PRR16: variants seen among roughly 807,000 people sequenced by gnomAD.
The protein encoded by PRR16 is proline rich 16, also known as protein Largen.
A neutral mutation model predicts 18.2 loss-of-function variants in PRR16; 6 were observed. The ratio of observed to expected loss-of-function variants is 0.33; its 90% CI spans 0.18 to 0.65. The LOEUF is 0.65. PRR16 is among the 30% of genes least tolerant of loss of function. The pLI is 0.74. For synonymous variants in PRR16, 151 were observed against 147.8 expected, an observed-to-expected ratio of 1.02 and a Z score of -0.16; for missense variants, 412 against 376.6, an observed-to-expected ratio of 1.09 and a Z score of -0.78.
chr5:120,749,829 G>A, the PRR16 span, among the ~76,000 whole-genome samples: 2 of 152,028 alleles, frequency 1.3e-5, no homozygotes, highest in Non-Finnish European at 2.9e-5. Flanking sequence ...GAAATGAATG[G>A]TACAAAAGAA....
intron 1 of PRR16, among the ~76,000 whole-genome samples, chr5:120,670,302 C>A (rs1255846308): frequency 6.6e-6 from 1 of 152,022 alleles, no homozygotes; most frequent in Admixed American, 6.6e-5. Flanking sequence ...CCACTAAATT[C>A]TCTGTTTTCA....
downstream of PRR16, among the ~76,000 whole-genome samples, chr5:120,689,466 T>C (rs1196996377): frequency 6.6e-6 from 1 of 152,184 alleles, no homozygotes; most frequent in East Asian, 1.9e-4. Context: ...TAAATCATCA[T>C]AAAATATAGT....
At chr5:120,471,023 C>T (rs1246413979) in intron 1 of PRR16, among the ~76,000 whole-genome samples, 2 of 152,076 alleles carry the variant, frequency 1.3e-5, no homozygotes, top group South Asian at 2.1e-4. Flanking sequence ...GCAGCAGCAG[C>T]GTATGTATGG....
At chr5:120,758,485 T>C in the PRR16 span, among the ~76,000 whole-genome samples, 18 of 152,152 alleles carry the variant, frequency 1.2e-4, no homozygotes, top group Non-Finnish European at 2.4e-4. Flanking sequence ...TGGTTTCGCT[T>C]TGTGTCCCCA....
At chr5:120,734,848 G>A in the PRR16 span, among the ~76,000 whole-genome samples, 1 of 152,134 alleles carries the variant, frequency 6.6e-6, no homozygotes. Flanking sequence ...AGAATACTTT[G>A]TTGGACATAA....
chr5:120,555,036 C>G (rs1401461062), intron 1 of PRR16, among the ~76,000 whole-genome samples: 2 of 151,754 alleles, frequency 1.3e-5, no homozygotes, highest in African/African-American at 4.8e-5. Context: ...TTTATATTGC[C>G]AATTTGAGAG....
the PRR16 span, among the ~76,000 whole-genome samples, chr5:120,751,047 T>G: frequency 4.2e-4 from 64 of 152,274 alleles, no homozygotes; most frequent in Non-Finnish European, 8.1e-4. Flanking sequence ...TATTTGTCTT[T>G]CTGTGACTTG....
chr5:120,489,749 G>C (rs1221271278), intron 1 of PRR16, among the ~76,000 whole-genome samples: 2 of 152,208 alleles, frequency 1.3e-5, no homozygotes, highest in East Asian at 1.9e-4. Context: ...TCCTAGCCTC[G>C]ATGGTCTTTA....
At chr5:120,502,560 G>A (rs1293171469) in intron 1 of PRR16, among the ~76,000 whole-genome samples, 1 of 152,042 alleles carries the variant, frequency 6.6e-6, no homozygotes, top group African/African-American at 2.4e-5. Flanking sequence ...AAGGATAACC[G>A]ATACAGGAAG....
At chr5:120,757,912 G>A in the PRR16 span, among the ~76,000 whole-genome samples, 1 of 152,010 alleles carries the variant, frequency 6.6e-6, no homozygotes, top group Non-Finnish European at 1.5e-5. Context: ...TTTGACAAAT[G>A]CATTGGAGTA....
At chr5:120,488,861 C>A (rs866512153) in intron 1 of PRR16, among the ~76,000 whole-genome samples, 1 of 152,050 alleles carries the variant, frequency 6.6e-6, no homozygotes, top group Non-Finnish European at 1.5e-5. Flanking sequence ...TCTTTGTTCT[C>A]GTTGGTTTCA....
At chr5:120,688,227 A>C (rs924349859), downstream of PRR16, among the ~76,000 whole-genome samples, 3 of 152,224 alleles carry the variant, frequency 2.0e-5, no homozygotes, top group African/African-American at 7.2e-5. Flanking sequence ...TTTAGATGGA[A>C]TACAAAAAGA....
rs374324391 is a variant in PRR16, at chr5:120,685,018, G to T, written c.160-936G>T. 5.3e-5 allele frequency among the ~76,000 whole-genome samples: 8 copies of T among 152,114 alleles called. No homozygotes were observed. The East Asian group carries it at 1.3e-3, about 26-fold the overall frequency. ...AACATCTGCTTTGTATTAGTTTAGG[G>T]TCCTGGGCCCAGATAATTTTCTTTC... On this transcript the variant is annotated intron_variant, in intron 1 of 1. Coordinates refer to ENST00000407149, the MANE Select transcript of PRR16 (RefSeq NM_001300783.2).
chr5:120,721,636 C>T, the PRR16 span, among the ~76,000 whole-genome samples: 50 of 151,892 alleles, frequency 3.3e-4, no homozygotes, highest in African/African-American at 1.1e-3. Context: ...GGAAGGAAGC[C>T]ATGTTATATG....
intron 1 of PRR16, among the ~76,000 whole-genome samples, chr5:120,679,831 C>G (rs1312560104): frequency 6.6e-6 from 1 of 152,014 alleles, no homozygotes; most frequent in Non-Finnish European, 1.5e-5. Flanking sequence ...CAGTGGTTAC[C>G]ATGGTCTGAG....
At chr5:120,638,110 A>C (rs1755300655) in intron 1 of PRR16, among the ~76,000 whole-genome samples, 2 of 152,128 alleles carry the variant, frequency 1.3e-5, no homozygotes, top group South Asian at 4.2e-4. Context: ...AGGTAATGCT[A>C]TACAACATTT....
chr5:120,495,351 A>G (rs1434114467), intron 1 of PRR16, among the ~76,000 whole-genome samples: 1 of 152,042 alleles, frequency 6.6e-6, no homozygotes, highest in African/African-American at 2.4e-5. Flanking sequence ...TCCATGGAGC[A>G]TTGGTTCCAC....
chr5:120,754,177 A>G, the PRR16 span, among the ~76,000 whole-genome samples: 90 of 19,926 alleles, frequency 4.5e-3, 1 homozygote, highest in Non-Finnish European at 7.0e-3. Context: ...ATATAAATAT[A>G]AATATATAAT....
At position 120,639,863 on chromosome 5, in the gene PRR16, A is replaced by G. The variant is rs1011752728; in HGVS notation, c.160-46091A>G. Among the ~76,000 whole-genome samples the G allele has an allele frequency of 3.3e-5, 5 of 152,118 alleles. No individual in the cohort carries two copies. In the South Asian group the frequency reaches 1.0e-3, roughly 32 times the overall value. On this transcript the variant is annotated intron_variant, in intron 1 of 1. Transcript: ENST00000407149. ...TTGCATGTTTAACACAGCATTGTTC[A>G]TAATAGCAAAGACATGGAATCAACC...
Sources: allele counts gnomAD v4.1 joint callset (sites outside exome capture counted in the v4.1 genomes callset), GRCh38; gene constraint gnomAD v4.1.1; transcripts MANE v1.5; gene names NCBI Gene and HGNC (gene_info 2026-07-23, HGNC 2026-07-21).